NRXN3: variants seen among roughly 807,000 people sequenced by gnomAD.
NRXN3 encodes neurexin III.
NRXN3 carries 32 observed loss-of-function variants against 137.6 expected under a neutral mutation model. That is an observed-to-expected ratio of 0.23 (90% CI 0.18 to 0.31). The LOEUF (loss-of-function observed/expected upper bound fraction) is 0.31, where lower values mean the gene tolerates loss of function less well. NRXN3 is among the 10% of genes least tolerant of loss of function. The pLI, the probability that NRXN3 is intolerant of heterozygous loss-of-function variation, is 1.00. For synonymous variants in NRXN3, 798 were observed against 784.5 expected (o/e 1.02, Z -0.29); for missense variants, 1,574 against 2,062.5 (o/e 0.76, Z 4.59).
chr14:78,847,109 C>G (rs757139877), intron 10 of NRXN3, among the ~76,000 whole-genome samples: 1 of 152,104 alleles, frequency 6.6e-6, no homozygotes, highest in African/African-American at 2.4e-5. Flanking sequence ...CTCTGCAGCT[C>G]TTACCTCTAC....
intron 15 of NRXN3, among the ~76,000 whole-genome samples, chr14:79,054,538 C>G (rs556517575): frequency 5.1e-4 from 77 of 152,276 alleles, no homozygotes; most frequent in Non-Finnish European, 9.1e-4. Flanking sequence ...GGGATTTGCT[C>G]TCTGTGCAAG....
chr14:78,314,991 C>CT (rs1567236119), intron 4 of NRXN3, among the ~76,000 whole-genome samples: 1 of 68,314 alleles, frequency 1.5e-5, no homozygotes, highest in South Asian at 5.4e-4. Flanking sequence ...TCCTTCCTTT[C>CT]TCTTTCTTTC....
chr14:79,449,114 GTATC>G lies in NRXN3; in HGVS notation c.3263-18105_3263-18102del, dbSNP rs542341154. Among the ~76,000 whole-genome samples the G allele has an allele frequency of 2.7e-4, 41 of 152,282 alleles. No homozygotes were observed. In the East Asian group the frequency reaches 7.9e-3, roughly 29 times the overall value. On this transcript the variant is annotated intron_variant, in intron 15 of 20. Transcript: ENST00000335750. ...GGGAGGGGGCATAAATTCCCTGAAA[GTATC>G]TGTCGCAGGGAATTGCTCTGCATTC...
intron 4 of NRXN3, among the ~76,000 whole-genome samples, chr14:78,342,876 A>G (rs1025541884): frequency 6.6e-6 from 1 of 152,188 alleles, no homozygotes; most frequent in African/African-American, 2.4e-5. Flanking sequence ...GGGGTGGTTA[A>G]TAACACTTTA....
intron 1 of NRXN3, among the ~76,000 whole-genome samples, chr14:78,221,375 T>G (rs1277457367): frequency 6.6e-6 from 1 of 150,766 alleles, no homozygotes; most frequent in Non-Finnish European, 1.5e-5. Context: ...GATAAGGGAG[T>G]AGGAAAAAGG....
At chr14:79,660,765 A>C (rs144713043) in intron 16 of NRXN3, among the ~76,000 whole-genome samples, 2 of 152,092 alleles carry the variant, frequency 1.3e-5, no homozygotes, top group African/African-American at 4.8e-5. Flanking sequence ...TGTCCTTTCC[A>C]TGCATCCAGG....
intron 15 of NRXN3, among the ~76,000 whole-genome samples, chr14:79,005,951 T>G (rs1036731738): frequency 6.6e-6 from 1 of 152,206 alleles, no homozygotes; most frequent in African/African-American, 2.4e-5. Flanking sequence ...TTTTTCTGGC[T>G]CATTGTCAAC....
intron 10 of NRXN3, among the ~76,000 whole-genome samples, chr14:78,942,915 A>G (rs927705086): frequency 6.7e-6 from 1 of 149,018 alleles, no homozygotes; most frequent in Non-Finnish European, 1.5e-5. Flanking sequence ...AAAGGAAAAG[A>G]AACAAAAAAA....
At chr14:79,558,212 T>A (rs1215979339) in intron 16 of NRXN3, among the ~76,000 whole-genome samples, 3 of 152,132 alleles carry the variant, frequency 2.0e-5, no homozygotes, top group Non-Finnish European at 4.4e-5. Context: ...ATCAACTTTT[T>A]TCAAAGTCTT....
chr14:78,198,947 G>T (rs921276870), intron 1 of NRXN3, among the ~76,000 whole-genome samples: 2 of 152,228 alleles, frequency 1.3e-5, no homozygotes, highest in African/African-American at 2.4e-5. Flanking sequence ...GGCATGTCTT[G>T]GTTATATGGT....
intron 15 of NRXN3, among the ~76,000 whole-genome samples, chr14:79,029,992 C>T (rs2099604772): frequency 6.6e-6 from 1 of 151,456 alleles, no homozygotes; most frequent in Non-Finnish European, 1.5e-5. Flanking sequence ...GGACTACAGG[C>T]ATGACCACTG....
At chr14:79,378,129 C>T (rs1003952911) in intron 15 of NRXN3, among the ~76,000 whole-genome samples, 1 of 152,192 alleles carries the variant, frequency 6.6e-6, no homozygotes, top group Non-Finnish European at 1.5e-5. Flanking sequence ...GCCCACTGTT[C>T]TTTTGCTAAT....
At chr14:79,790,299 G>A (rs2099141076) in intron 19 of NRXN3, among the ~76,000 whole-genome samples, 1 of 150,676 alleles carries the variant, frequency 6.6e-6, no homozygotes, top group Non-Finnish European at 1.5e-5. Flanking sequence ...GAGAGAGGGA[G>A]CAAGGGAGAC....
Position 78,732,721 on chromosome 14 carries a change from A to G in NRXN3, c.2044+17582A>G, listed in dbSNP as rs146791280. ...CATTATTTTAGATGGGCTTAAAACA[A>G]TGAAGCCTGAGACCTAAAAGGGCCA... On this transcript the variant is annotated intron_variant, in intron 8 of 20. Coordinates refer to ENST00000335750, the MANE Select transcript of NRXN3 (RefSeq NM_001330195.2). Among the ~76,000 whole-genome samples, 732 of 152,304 alleles carry G rather than the reference A, an allele frequency of 4.8e-3. 3 individuals carry two copies. The highest frequency in any genetic ancestry group is 0.011 in the South Asian group (53 of 4,834).
chr14:79,002,644 G>A (rs547180167), intron 15 of NRXN3, among the ~76,000 whole-genome samples: 32 of 152,214 alleles, frequency 2.1e-4, no homozygotes, highest in African/African-American at 7.5e-4. Context: ...TTGATTCCCT[G>A]TATTTGCTAA....
In NRXN3 at chr14:78,995,432, G is replaced by T. The variant is rs188803407; in HGVS notation, c.3262+7291G>T. On this transcript the variant is annotated intron_variant, in intron 15 of 20. Transcript: ENST00000335750. ...GGACGAGACCACTAATGTGTAATGG[G>T]GTGGCCTGTGTTCAAATCATGACTC... Among the ~76,000 whole-genome samples, 343 of 152,224 alleles carry T rather than the reference G, an allele frequency of 2.3e-3. 5 individuals carry two copies. Among genetic ancestry groups the T allele is most frequent in the East Asian group, 9.6e-4 (5 of 5,184 alleles).
At chr14:79,601,046 T>TTC (rs2097916790) in intron 16 of NRXN3, among the ~76,000 whole-genome samples, 1 of 136,298 alleles carries the variant, frequency 7.3e-6, no homozygotes, top group Non-Finnish European at 1.6e-5. Flanking sequence ...TTGCCTTTTT[T>TTC]TTTTTTTTTT....
chr14:78,301,913 C>T (rs1170129436), intron 4 of NRXN3, among the ~76,000 whole-genome samples: 1 of 152,166 alleles, frequency 6.6e-6, no homozygotes, highest in East Asian at 1.9e-4. Flanking sequence ...TCTCAGAAAT[C>T]TGTCATGGGG....
At chr14:78,258,842 A>C (rs1283428280) in intron 2 of NRXN3, among the ~76,000 whole-genome samples, 1 of 152,160 alleles carries the variant, frequency 6.6e-6, no homozygotes, top group African/African-American at 2.4e-5. Flanking sequence ...TTCATTTAAG[A>C]ACATTCCTGG....
Sources: allele counts gnomAD v4.1 joint callset (sites outside exome capture counted in the v4.1 genomes callset), GRCh38; gene constraint gnomAD v4.1.1; transcripts MANE v1.5; gene names NCBI Gene and HGNC (gene_info 2026-07-23, HGNC 2026-07-21).